IGF2BP2: variants seen among roughly 807,000 people sequenced by gnomAD.
IGF2BP2 encodes the protein insulin-like growth factor 2 mRNA-binding protein 2.
In IGF2BP2, 17 loss-of-function variants were observed where a neutral mutation model predicts 75.8. That is an observed-to-expected ratio of 0.22 (90% CI 0.15 to 0.34). The LOEUF is 0.34. Among genes scored for constraint, IGF2BP2 ranks in the 10% least tolerant of loss-of-function variants. IGF2BP2 has a pLI of 1.00. For synonymous variants in IGF2BP2, 288 were observed against 295.6 expected, an observed-to-expected ratio of 0.97 and a Z score of 0.26; for missense variants, 516 against 772.4, an observed-to-expected ratio of 0.67 and a Z score of 3.93.
At chr3:185,662,509 G>C (rs1344351418) in intron 10 of IGF2BP2, among the ~76,000 whole-genome samples, 2 of 136,744 alleles carry the variant, frequency 1.5e-5, no homozygotes, top group Non-Finnish European at 3.1e-5. Context: ...AAAAAAAAGT[G>C]TCTTATCAGA....
intron 9 of IGF2BP2, 143 bp from the exon 10 acceptor site, chr3:185,672,812 T>TG: frequency 1.2e-6 from 1 of 848,852 alleles, no homozygotes. Flanking sequence ...GTATCAGAGG[T>TG]GGGTGCCACA....
At chr3:185,740,025 T>C (rs1203414801) in intron 2 of IGF2BP2, among the ~76,000 whole-genome samples, 1 of 151,792 alleles carries the variant, frequency 6.6e-6, no homozygotes, top group Non-Finnish European at 1.5e-5. Context: ...CTGTCTAATT[T>C]TTAGTACAGA....
At chr3:185,741,761 G>A (rs1291137569) in intron 2 of IGF2BP2, among the ~76,000 whole-genome samples, 4 of 152,226 alleles carry the variant, frequency 2.6e-5, no homozygotes, top group Non-Finnish European at 5.9e-5. Flanking sequence ...GACCCACCAT[G>A]AGTGGGAGTT....
intron 2 of IGF2BP2, among the ~76,000 whole-genome samples, chr3:185,790,549 C>G (rs1041659598): frequency 6.6e-6 from 1 of 152,186 alleles, no homozygotes; most frequent in African/African-American, 2.4e-5. Flanking sequence ...ACCCCAGCCA[C>G]CAGCCAATCA....
chr3:185,701,120 T>G (rs1723233209), intron 2 of IGF2BP2, among the ~76,000 whole-genome samples: 1 of 151,902 alleles, frequency 6.6e-6, no homozygotes, highest in South Asian at 2.1e-4. Flanking sequence ...TTAATAGAGA[T>G]GGGGTCTTGA....
chr3:185,670,468 G>C (rs913021950), intron 10 of IGF2BP2, among the ~76,000 whole-genome samples: 1 of 152,184 alleles, frequency 6.6e-6, no homozygotes, highest in Non-Finnish European at 1.5e-5. Flanking sequence ...AGCCATGGCT[G>C]TGTCCCCTAA....
Position 185,647,441 on chromosome 3 carries a change from TCA to T in IGF2BP2, c.1594-305_1594-304del, listed in dbSNP as rs1457388953. Among the ~76,000 whole-genome samples the T allele has an allele frequency of 1.3e-5, 2 of 151,922 alleles. No individual in the cohort carries two copies. The highest frequency in any genetic ancestry group is 2.4e-5 in the African/African-American group (1 of 41,344). On this transcript the variant is annotated intron_variant, in intron 14 of 15. Transcript: ENST00000382199. The surrounding 1 kb of genome is among the most constrained non-coding windows in gnomAD (Gnocchi z 4.9). The stretch of plus-strand genomic sequence containing the variant: ...CCCATCAACGCAGGCCTGCACATGC[TCA>T]CAGAGACCCCAGGCTTTCCCATACC...
At chr3:185,734,965 G>A (rs539241904) in intron 2 of IGF2BP2, among the ~76,000 whole-genome samples, 3 of 152,204 alleles carry the variant, frequency 2.0e-5, no homozygotes, top group African/African-American at 4.8e-5. Flanking sequence ...CTGTAATAGC[G>A]AAGACAGCGT....
chr3:185,713,476 G>A, intron 2 of IGF2BP2: 1 of 519,928 alleles, frequency 1.9e-6, no homozygotes, highest in Non-Finnish European at 3.8e-6. Context: ...AGATCCAATG[G>A]TCAAGGTAAC....
At position 185,698,429 on chromosome 3, in the gene IGF2BP2, C is replaced by G. The variant is rs925765680; in HGVS notation, c.240-82G>C. On this transcript the variant is annotated intron_variant, in intron 2 of 15. Coordinates refer to ENST00000382199, the MANE Select transcript of IGF2BP2 (RefSeq NM_006548.6). The stretch of plus-strand genomic sequence containing the variant: ...ATAATAAAAACCGGCTTAAACCCGT[C>G]ATTTGAATTTGTTTTCTCACTGTGT... The G allele has an allele frequency of 4.6e-6, 6 of 1,311,150 alleles. No homozygotes were observed. In the Admixed American group the frequency reaches 8.9e-5, roughly 20 times the overall value. The allele number at this position is 1,311,150 out of a possible 1,614,324, so 81.2% of individuals were successfully genotyped here. A position where few individuals can be genotyped will look rare whatever the true frequency, so the allele number is the denominator to read the frequency against.
At chr3:185,736,528 T>C (rs1446186011) in intron 2 of IGF2BP2, among the ~76,000 whole-genome samples, 1 of 152,212 alleles carries the variant, frequency 6.6e-6, no homozygotes, top group African/African-American at 2.4e-5. Flanking sequence ...GCACCATCAT[T>C]CCCTACCCAT....
chr3:185,781,572 T>A (rs756392824), intron 2 of IGF2BP2, among the ~76,000 whole-genome samples: 10 of 152,156 alleles, frequency 6.6e-5, no homozygotes, highest in Non-Finnish European at 1.3e-4. Context: ...ACAACTGACT[T>A]CTTGAAGTCG....
intron 2 of IGF2BP2, chr3:185,729,911 T>C (rs1727911130): frequency 6.6e-6 from 1 of 152,160 alleles, no homozygotes; most frequent in African/African-American, 2.4e-5. Flanking sequence ...ATCAGAGAGA[T>C]TTGTAAAAAC....
chr3:185,680,990 T>C lies in IGF2BP2; in HGVS notation c.813-5077A>G, dbSNP rs78365801. ...CCACAGCTAACATCACACTCAACGA[T>C]GAAAGACTGAATGCAAGGCTTTTCC... On this transcript the variant is annotated intron_variant, in intron 7 of 15. Transcript: ENST00000382199. Among the ~76,000 whole-genome samples, 64 of 152,228 alleles carry C rather than the reference T, an allele frequency of 4.2e-4. 1 individual carries two copies. Among genetic ancestry groups the C allele is most frequent in the African/African-American group, 1.5e-3 (63 of 41,536 alleles).
chr3:185,670,694 C>A (rs957177014), intron 10 of IGF2BP2, among the ~76,000 whole-genome samples: 1 of 152,122 alleles, frequency 6.6e-6, no homozygotes, highest in Non-Finnish European at 1.5e-5. Context: ...CTCAGCCTCC[C>A]AAGTAGCTGG....
intron 10 of IGF2BP2, among the ~76,000 whole-genome samples, 192 bp from the exon 11 acceptor site, chr3:185,658,601 G>A (rs1353287245): frequency 1.3e-5 from 2 of 152,170 alleles, no homozygotes; most frequent in Non-Finnish European, 2.9e-5. Flanking sequence ...CGGAATGCTT[G>A]GCAAGATGTC....
At chr3:185,757,956 G>A (rs1006005857) in intron 2 of IGF2BP2, among the ~76,000 whole-genome samples, 1 of 152,208 alleles carries the variant, frequency 6.6e-6, no homozygotes, top group Non-Finnish European at 1.5e-5. Context: ...GCTCATATCT[G>A]AAGAGACTAA....
chr3:185,702,940 A>C (rs1723517384), intron 2 of IGF2BP2, among the ~76,000 whole-genome samples: 1 of 152,198 alleles, frequency 6.6e-6, no homozygotes, highest in Non-Finnish European at 1.5e-5. Flanking sequence ...GGTGCTCTTT[A>C]ATACAAATAT....
chr3:185,696,009 A>G (rs1163795359), intron 4 of IGF2BP2, among the ~76,000 whole-genome samples: 1 of 151,614 alleles, frequency 6.6e-6, no homozygotes, highest in Non-Finnish European at 1.5e-5. Context: ...CTGGTCTTGA[A>G]CTCCTGGCCT....
Sources: gnomAD v4.1 joint callset for allele counts (sites outside exome capture counted in the v4.1 genomes callset) on GRCh38, gnomAD v4.1.1 for gene constraint, Gnocchi (gnomAD v3.1) non-coding constraint, MANE v1.5 for transcripts, NCBI Gene and HGNC (gene_info 2026-07-23, HGNC 2026-07-21) for gene names.